CRYZ: variants seen among roughly 807,000 people sequenced by gnomAD.
CRYZ encodes crystallin zeta.
A neutral mutation model predicts 34.1 loss-of-function variants in CRYZ; 35 were observed. The ratio of observed to expected loss-of-function variants is 1.03; its 90% CI spans 0.78 to 1.36. CRYZ has a LOEUF of 1.36. Among genes scored for constraint, CRYZ ranks in the 40% most tolerant of loss-of-function variants. The pLI, the probability that CRYZ is intolerant of heterozygous loss-of-function variation, is 0.00. For missense variants in CRYZ, 403 were observed against 391.8 expected (o/e 1.03, Z -0.24); for synonymous variants, 137 against 136.5 (o/e 1.00, Z -0.03).
chr1:74,716,196 G>A (rs1243880222), intron 4 of CRYZ, among the ~76,000 whole-genome samples: 14 of 136,134 alleles, frequency 1.0e-4, no homozygotes, highest in Middle Eastern at 3.6e-3. Context: ...ATCTGTGTGC[G>A]CGTGTGTGTG....
intron 5 of CRYZ, among the ~76,000 whole-genome samples, chr1:74,713,990 C>T (rs985274348): frequency 6.6e-6 from 1 of 152,036 alleles, no homozygotes; most frequent in African/African-American, 2.4e-5. Context: ...CATTGAAGGG[C>T]TTATTTTAAG....
At chr1:74,723,092 A>G (rs765457821) in intron 3 of CRYZ, 26 bp downstream of exon 3, 3 of 1,600,956 alleles carry the variant, frequency 1.9e-6, no homozygotes, top group Non-Finnish European at 2.6e-6. Context: ...ATTCAGCCAA[A>G]ATAGAAATAA....
intron 4 of CRYZ, among the ~76,000 whole-genome samples, chr1:74,718,350 T>C (rs777764928): frequency 1.3e-5 from 2 of 152,120 alleles, no homozygotes; most frequent in Non-Finnish European, 2.9e-5. Flanking sequence ...ACACAGCAGA[T>C]AAGTCATCTC....
chr1:74,730,307 G>A (rs1356299328), intron 1 of CRYZ: 1 of 152,190 alleles, frequency 6.6e-6, no homozygotes, highest in Non-Finnish European at 1.5e-5. Context: ...TGCTTCTGTT[G>A]ATCTTATCTC....
rs1646925026 is a variant in CRYZ, at chr1:74,706,172, A to G, written c.*124T>C. ...TTCTGCTTCTGCTCTCTAAAGAAAA[A>G]TCTTATTTTTTCACATAAGAAGCTC... is the stretch of plus-strand genomic sequence containing the variant. On this transcript the variant is annotated 3_prime_UTR_variant, in exon 9 of 9. Coordinates refer to ENST00000340866, the MANE Select transcript of CRYZ (RefSeq NM_001889.4). The G allele has an allele frequency of 1.2e-6, 1 of 857,690 alleles. No homozygotes were observed. The highest frequency in any genetic ancestry group is 2.9e-5 in the Admixed American group (1 of 34,250). The allele number at this position is 857,690 out of a possible 1,614,324, so 53.1% of individuals were successfully genotyped here. A position where few individuals can be genotyped will look rare whatever the true frequency, so the allele number is the denominator to read the frequency against.
In CRYZ at chr1:74,705,824, T is replaced by G. The variant is rs1646920756; in HGVS notation, c.*472A>C. Reference sequence around the variant, plus strand: ...ATTTATTCTTGCCTTTACAAAAGACTTACACATCCAAATGAGATTAGTTTA... The same window carrying G: ...ATTTATTCTTGCCTTTACAAAAGACGTACACATCCAAATGAGATTAGTTTA... On this transcript the variant is annotated 3_prime_UTR_variant, in exon 9 of 9. Coordinates refer to ENST00000340866, the MANE Select transcript of CRYZ (RefSeq NM_001889.4). 1 of 152,260 alleles carries G rather than the reference T, an allele frequency of 6.6e-6. No individual in the cohort carries two copies. Among genetic ancestry groups the G allele is most frequent in the Non-Finnish European group, 1.5e-5 (1 of 68,094 alleles). 9.4% of individuals were successfully genotyped at this position (152,260 alleles called of 1,614,324 possible).
Position 74,723,304 on chromosome 1 carries a change from A to G in CRYZ, c.112-34T>C, listed in dbSNP as rs752386412. ...ACAATGTATTTTAGTTCACAGAAAG[A>G]ATTTAGGCATTCATTTAACTTTATG... On this transcript the variant is annotated intron_variant, in intron 2 of 8. Coordinates refer to ENST00000340866, the MANE Select transcript of CRYZ (RefSeq NM_001889.4). The G allele has an allele frequency of 2.6e-5, 42 of 1,596,378 alleles. 1 individual carries two copies. The South Asian group carries it at 4.5e-4, about 17-fold the overall frequency.
intron 6 of CRYZ, 176 bp from the exon 7 acceptor site, chr1:74,707,380 AG>A (rs1038266705): frequency 2.0e-6 from 1 of 492,654 alleles, no homozygotes; most frequent in Non-Finnish European, 3.6e-6. Flanking sequence ...TGTAATTCCA[AG>A]GTACCAGCCA....
intron 5 of CRYZ, among the ~76,000 whole-genome samples, chr1:74,710,476 C>G (rs1197729472): frequency 6.6e-6 from 1 of 152,022 alleles, no homozygotes; most frequent in East Asian, 1.9e-4. Context: ...TCACAATGAC[C>G]CTATAAAGTA....
intron 3 of CRYZ, among the ~76,000 whole-genome samples, chr1:74,722,399 G>A (rs910785917): frequency 9.9e-5 from 15 of 152,084 alleles, no homozygotes; most frequent in Admixed American, 2.0e-4. Context: ...TCAGTGGAGC[G>A]ATGGGGGCAG....
chr1:74,723,085 C>G, intron 3 of CRYZ, 33 bp downstream of exon 3: 1 of 1,592,758 alleles, frequency 6.3e-7, no homozygotes. Context: ...GAAATAAATT[C>G]AGCCAAAATA....
chr1:74,732,450 G>A (rs1647839417), intron 1 of CRYZ, among the ~76,000 whole-genome samples: 1 of 151,936 alleles, frequency 6.6e-6, no homozygotes, highest in South Asian at 2.1e-4. Context: ...CTACAGCTGG[G>A]CTGTGGGAAG....
In CRYZ at chr1:74,705,654, C is replaced by T. The variant is rs1194912321; in HGVS notation, c.*642G>A. The stretch of plus-strand genomic sequence containing the variant: ...AAATCTAATCAATTGCGAAGTATTA[C>T]CTATTTGGAGACTATGTATTATATC... On this transcript the variant is annotated 3_prime_UTR_variant, in exon 9 of 9. Coordinates refer to ENST00000340866, the MANE Select transcript of CRYZ (RefSeq NM_001889.4). The T allele has an allele frequency of 1.3e-5, 2 of 152,058 alleles. No individual in the cohort carries two copies. The highest frequency in any genetic ancestry group is 2.9e-5 in the Non-Finnish European group (2 of 67,978). The allele number at this position is 152,058 out of a possible 1,614,324, so 9.4% of individuals were successfully genotyped here.
intron 6 of CRYZ, chr1:74,708,844 C>A (rs1646964952): frequency 2.0e-5 from 3 of 152,012 alleles, no homozygotes; most frequent in Admixed American, 2.0e-4. Flanking sequence ...CAAGCAAAAA[C>A]AACCTAAGGA....
chr1:74,725,249 C>T (rs535173071), intron 1 of CRYZ, among the ~76,000 whole-genome samples: 65 of 152,138 alleles, frequency 4.3e-4, no homozygotes, highest in Non-Finnish European at 8.2e-4. Flanking sequence ...TGTATTGGTT[C>T]ATTTTCATAC....
At chr1:74,719,006 T>C (rs973211687) in intron 4 of CRYZ, among the ~76,000 whole-genome samples, 1 of 152,176 alleles carries the variant, frequency 6.6e-6, no homozygotes, top group Non-Finnish European at 1.5e-5. Flanking sequence ...GTGAGCATCT[T>C]GAAGACAGTG....
At chr1:74,710,399 T>C in intron 5 of CRYZ, 152 bp from the exon 6 acceptor site, 1 of 611,224 alleles carries the variant, frequency 1.6e-6, no homozygotes. Flanking sequence ...CAGCTAACTT[T>C]AATTGAGCAT....
rs1235884209 is a variant in CRYZ, at chr1:74,732,609, G to T, written c.-14+347C>A. On this transcript the variant is annotated intron_variant, in intron 1 of 8. Coordinates refer to ENST00000340866, the MANE Select transcript of CRYZ (RefSeq NM_001889.4). ...AGCGGGTGACTGGCGGGGGGGGGGG[G>T]GGGGGGTGCAGCGTGGGGCTGGGGG... Among the ~76,000 whole-genome samples, 7 of 93,976 alleles carry T rather than the reference G, an allele frequency of 7.4e-5. 1 individual carries two copies. Among genetic ancestry groups the T allele is most frequent in the South Asian group, 9.7e-4 (2 of 2,072 alleles). 61.7% of individuals were successfully genotyped at this position (93,976 alleles called of 152,430 possible). A position where few individuals can be genotyped will look rare whatever the true frequency, so the allele number is the denominator to read the frequency against.
chr1:74,721,162 A>T lies in CRYZ; in HGVS notation c.265-1790T>A, dbSNP rs143415094. 1.9e-3 allele frequency among the ~76,000 whole-genome samples: 296 copies of T among 152,312 alleles called. 2 individuals are homozygous for T. The highest frequency in any genetic ancestry group is 6.8e-3 in the African/African-American group (284 of 41,574). On this transcript the variant is annotated intron_variant, in intron 3 of 8. Transcript: ENST00000340866. ...TTATTACCAATGAGTAAGCAGACTAATGTGTGGTATGTAACTGTTTCAGGA... is the reference window on the plus strand; with the variant it reads ...TTATTACCAATGAGTAAGCAGACTATTGTGTGGTATGTAACTGTTTCAGGA...
Sources: allele counts gnomAD v4.1 joint callset (sites outside exome capture counted in the v4.1 genomes callset), GRCh38; gene constraint gnomAD v4.1.1; transcripts MANE v1.5; gene names NCBI Gene and HGNC (gene_info 2026-07-23, HGNC 2026-07-21).